CUL3: variants seen among roughly 807,000 people sequenced by gnomAD.
CUL3 encodes the protein cullin-3.
In CUL3, 19 loss-of-function variants were observed where a neutral mutation model predicts 89.1. That is an observed-to-expected ratio of 0.21 (90% CI 0.15 to 0.31). CUL3 has a LOEUF of 0.31. CUL3 is among the 10% of genes least tolerant of loss of function. The probability of loss-of-function intolerance (pLI) is 1.00; values close to 1 mark genes in which losing one functional copy is unlikely to be tolerated. For synonymous variants in CUL3, 351 were observed against 308.4 expected, an observed-to-expected ratio of 1.14 and a Z score of -1.45; for missense variants, 469 against 942.3, an observed-to-expected ratio of 0.50 and a Z score of 6.58.
At chr2:224,549,649 C>G (rs1182048973) in intron 2 of CUL3, among the ~76,000 whole-genome samples, 4 of 152,092 alleles carry the variant, frequency 2.6e-5, no homozygotes, top group African/African-American at 4.8e-5. Context: ...AAGTGCTCAA[C>G]AGGAGTTAGA....
intron 1 of CUL3, among the ~76,000 whole-genome samples, chr2:224,570,339 T>C (rs750441618): frequency 3.3e-5 from 5 of 152,188 alleles, no homozygotes; most frequent in Non-Finnish European, 7.4e-5. Context: ...GTGGGACACA[T>C]TCAAACAGAC....
At chr2:224,512,714 G>A (rs1161238827) in intron 5 of CUL3, among the ~76,000 whole-genome samples, 4 of 152,146 alleles carry the variant, frequency 2.6e-5, no homozygotes, top group Non-Finnish European at 2.9e-5. Flanking sequence ...ATATCCTTAT[G>A]TGTGTTTTAC....
At chr2:224,531,716 A>C (rs1040549784) in intron 3 of CUL3, among the ~76,000 whole-genome samples, 2 of 152,204 alleles carry the variant, frequency 1.3e-5, no homozygotes, top group African/African-American at 2.4e-5. Context: ...GTAAGACATA[A>C]AGAATAAGTA....
At chr2:224,584,624 AC>A (rs1695530063) in intron 1 of CUL3, among the ~76,000 whole-genome samples, 1 of 150,596 alleles carries the variant, frequency 6.6e-6, no homozygotes, top group African/African-American at 2.4e-5. Flanking sequence ...TGGGCCTACA[AC>A]CCCGGCAACG....
intron 13 of CUL3, among the ~76,000 whole-genome samples, chr2:224,492,617 A>G (rs1055143073): frequency 1.2e-4 from 19 of 152,328 alleles, no homozygotes; most frequent in African/African-American, 4.6e-4. Context: ...CTAAATCACA[A>G]TAAACTTACC....
chr2:224,508,961 C>CCAAAAAAA (rs1277801862), intron 6 of CUL3, among the ~76,000 whole-genome samples: 1 of 112,892 alleles, frequency 8.9e-6, no homozygotes, highest in Non-Finnish European at 1.7e-5. Flanking sequence ...GACTTCGTCT[C>CCAAAAAAA]AAAAAAAAAA....
intron 1 of CUL3, chr2:224,569,746 A>T (rs1263590222): frequency 8.2e-7 from 1 of 1,215,754 alleles, no homozygotes; most frequent in African/African-American, 1.6e-5. Flanking sequence ...AATTAAAACT[A>T]AATGAAAAGA....
Position 224,524,451 on chromosome 2 carries a change from G to GGCTGTGCTGATCTGT in CUL3, c.379-9680_379-9679insACAGATCAGCACAGC, listed in dbSNP as rs539045364. Among the ~76,000 whole-genome samples the GGCTGTGCTGATCTGT allele has an allele frequency of 1.8e-3, 279 of 152,266 alleles. 3 individuals carry two copies. Among genetic ancestry groups the GGCTGTGCTGATCTGT allele is most frequent in the African/African-American group, 6.4e-3 (268 of 41,558 alleles). On this transcript the variant is annotated intron_variant, in intron 3 of 15. Coordinates refer to ENST00000264414, the MANE Select transcript of CUL3 (RefSeq NM_003590.5). Reference sequence around the variant, plus strand: ...ATCCAAACAGAAACTATCAAAGGGAGGCTGAAGATCTGTGCTGAAGAGACA... The same window carrying GGCTGTGCTGATCTGT: ...ATCCAAACAGAAACTATCAAAGGGAGGCTGTGCTGATCTGTGCTGAAGATCTGTGCTGAAGAGACA...
intron 13 of CUL3, among the ~76,000 whole-genome samples, chr2:224,494,595 C>T (rs1379499070): frequency 6.6e-6 from 1 of 151,884 alleles, no homozygotes; most frequent in Non-Finnish European, 1.5e-5. Context: ...ATAGACCCAC[C>T]CATATATGAT....
chr2:224,470,852 A>G lies in CUL3; in HGVS notation c.*3393T>C, dbSNP rs1321970264. On this transcript the variant is annotated 3_prime_UTR_variant, in exon 16 of 16. Transcript: ENST00000264414. ...TTCATGTGAATGAGGTACAAAATAAATGAAAATTTTTTAATATGGAAAATC... is the reference window on the plus strand; with the variant it reads ...TTCATGTGAATGAGGTACAAAATAAGTGAAAATTTTTTAATATGGAAAATC... 1 of 230,058 alleles carries G rather than the reference A, an allele frequency of 4.3e-6. No homozygotes were observed. Among genetic ancestry groups the G allele is most frequent in the Non-Finnish European group, 8.6e-6 (1 of 116,174 alleles). 14.3% of individuals were successfully genotyped at this position (230,058 alleles called of 1,614,324 possible).
At chr2:224,515,101 C>T (rs901402687) in intron 3 of CUL3, among the ~76,000 whole-genome samples, 1 of 152,176 alleles carries the variant, frequency 6.6e-6, no homozygotes, top group Non-Finnish European at 1.5e-5. Context: ...CTACAGCATA[C>T]TCAAACATGG....
chr2:224,552,409 T>C (rs942902183), intron 2 of CUL3, among the ~76,000 whole-genome samples: 1 of 152,186 alleles, frequency 6.6e-6, no homozygotes, highest in Non-Finnish European at 1.5e-5. Flanking sequence ...AAAGGAAACA[T>C]TCTTCCAGAG....
intron 10 of CUL3, 140 bp downstream of exon 10, chr2:224,502,825 A>T (rs1692442887): frequency 1.6e-6 from 1 of 626,022 alleles, no homozygotes; most frequent in East Asian, 2.6e-5. Context: ...GTGAAGGAAA[A>T]TTAAGTACTC....
chr2:224,491,620 G>T (rs1414793386), intron 13 of CUL3, among the ~76,000 whole-genome samples: 2 of 152,050 alleles, frequency 1.3e-5, no homozygotes, highest in Non-Finnish European at 2.9e-5. Context: ...AGTAAAGATA[G>T]GCAACTTCAT....
rs569556654 is a variant in CUL3 at position 224,541,219 on chromosome 2, T to TA, written c.265-5579dup. On this transcript the variant is annotated intron_variant, in intron 2 of 15. Coordinates refer to ENST00000264414, the MANE Select transcript of CUL3 (RefSeq NM_003590.5). ...CCAAATGACTGTATCCAGAACATATTAAAAAAAAAAAAACTCTTAGAACTT... is the reference window on the plus strand; with the variant it reads ...CCAAATGACTGTATCCAGAACATATTAAAAAAAAAAAAAACTCTTAGAACTT... Among the ~76,000 whole-genome samples the TA allele has an allele frequency of 5.6e-3, 775 of 137,770 alleles. 3 individuals carry two copies. The highest frequency in any genetic ancestry group is 0.013 in the African/African-American group (510 of 38,848). The allele number at this position is 137,770 out of a possible 152,430, so 90.4% of individuals were successfully genotyped here. A position where few individuals can be genotyped will look rare whatever the true frequency, so the allele number is the denominator to read the frequency against.
At chr2:224,577,103 T>C (rs1466641365) in intron 1 of CUL3, among the ~76,000 whole-genome samples, 1 of 152,238 alleles carries the variant, frequency 6.6e-6, no homozygotes, top group African/African-American at 2.4e-5. Context: ...CCAATTTTAA[T>C]ATTGGCCTAA....
At chr2:224,505,914 T>A (rs1400147105) in intron 8 of CUL3, 42 bp downstream of exon 8, 1 of 1,263,938 alleles carries the variant, frequency 7.9e-7, no homozygotes, top group Non-Finnish European at 1.1e-6. Context: ...TTTATATCTT[T>A]AAATAAAATT....
chr2:224,559,106 A>T (rs2106307946), intron 1 of CUL3, among the ~76,000 whole-genome samples: 1 of 151,948 alleles, frequency 6.6e-6, no homozygotes, highest in African/African-American at 2.4e-5. Context: ...ACATCTAAGC[A>T]TCATCAAAAT....
intron 15 of CUL3, among the ~76,000 whole-genome samples, chr2:224,476,997 A>G (rs567500880): frequency 3.9e-5 from 6 of 152,308 alleles, no homozygotes; most frequent in East Asian, 1.9e-4. Context: ...CACGAGTCCA[A>G]TGAAAATGTC....
Sources: allele counts gnomAD v4.1 joint callset (sites outside exome capture counted in the v4.1 genomes callset), GRCh38; gene constraint gnomAD v4.1.1; transcripts MANE v1.5; gene names NCBI Gene and HGNC (gene_info 2026-07-23, HGNC 2026-07-21).